RRP7A: variants seen among roughly 807,000 people sequenced by gnomAD.
The protein encoded by RRP7A is ribosomal RNA-processing protein 7 homolog A.
In RRP7A, 27 loss-of-function variants were observed where a neutral mutation model predicts 38.4. The ratio of observed to expected loss-of-function variants is 0.70; its 90% CI spans 0.52 to 0.97. The LOEUF is 0.97. RRP7A is among the 50% of genes least tolerant of loss of function. The probability of loss-of-function intolerance (pLI) is 0.00; values close to 1 mark genes in which losing one functional copy is unlikely to be tolerated. For missense variants in RRP7A, 327 were observed against 375.4 expected (o/e 0.87, Z 1.07); for synonymous variants, 124 against 150.3 (o/e 0.83, Z 1.28).
intron 1 of RRP7A, chr22:42,518,489 A>G (rs555774316): frequency 1.9e-5 from 8 of 420,948 alleles, no homozygotes; most frequent in African/African-American, 1.4e-4. Context: ...CCTGCCTGTC[A>G]CTGTGACCTC....
chr22:42,513,400 G>A (rs1920922797), intron 6 of RRP7A, among the ~76,000 whole-genome samples: 1 of 110,000 alleles, frequency 9.1e-6, no homozygotes, highest in African/African-American at 3.3e-5. Context: ...GTCAGTGGGA[G>A]GCTGATGGCA....
Position 42,517,986 on chromosome 22 carries a change from C to G in RRP7A, c.216+19G>C. The G allele has an allele frequency of 1.9e-6, 3 of 1,609,926 alleles. No individual in the cohort carries two copies. Among genetic ancestry groups the G allele is most frequent in the Non-Finnish European group, 2.5e-6 (3 of 1,177,844 alleles). ...CACCTTGAGCCCACAGGTCTCCTCCCAGACAGACACTAGCTCACCTCTGTG... is the reference window on the plus strand; with the variant it reads ...CACCTTGAGCCCACAGGTCTCCTCCGAGACAGACACTAGCTCACCTCTGTG... On this transcript the variant is annotated intron_variant, in intron 2 of 6. Transcript: ENST00000323013.
At position 42,512,651 on chromosome 22, in the gene RRP7A, A is replaced by C; in HGVS notation, c.*259T>G. 1 of 588,996 alleles carries C rather than the reference A, an allele frequency of 1.7e-6. No individual in the cohort carries two copies. Among genetic ancestry groups the C allele is most frequent in the Non-Finnish European group, 3.0e-6 (1 of 329,332 alleles). 36.5% of individuals were successfully genotyped at this position (588,996 alleles called of 1,614,324 possible). A position where few individuals can be genotyped will look rare whatever the true frequency, so the allele number is the denominator to read the frequency against. On this transcript the variant is annotated 3_prime_UTR_variant, in exon 7 of 7. Transcript: ENST00000323013. ...GGATTCATCCAGGGTCCTGGAGAGG[A>C]GGGTGTGGAGGCAAGAAGCAGGAAG... is the stretch of plus-strand genomic sequence containing the variant.
rs1555985839 is a variant in RRP7A at position 42,509,848 on chromosome 22, G to GTGTGTGTGTGTGTGT, written c.*3061_*3062insACACACACACACACA. On this transcript the variant is annotated 3_prime_UTR_variant, in exon 7 of 7. Coordinates refer to ENST00000323013, the MANE Select transcript of RRP7A (RefSeq NM_015703.5). Reference sequence around the variant, plus strand: ...GGAAGCCTGTTGGGGGTGGGGGGGTGGGGTGTGTGTGTGTGTGTGTAAGCT... The same window carrying GTGTGTGTGTGTGTGT: ...GGAAGCCTGTTGGGGGTGGGGGGGTGTGTGTGTGTGTGTGTGGGTGTGTGTGTGTGTGTGTAAGCT... 11 of 25,738 alleles carry GTGTGTGTGTGTGTGT rather than the reference G, an allele frequency of 4.3e-4. No individual in the cohort carries two copies. The African/African-American group carries it at 6.4e-3, about 15-fold the overall frequency. 1.6% of individuals were successfully genotyped at this position (25,738 alleles called of 1,614,324 possible).
At chr22:42,517,119 A>G (rs1886432081) in intron 2 of RRP7A, among the ~76,000 whole-genome samples, 1 of 151,880 alleles carries the variant, frequency 6.6e-6, no homozygotes, top group Non-Finnish European at 1.5e-5. Flanking sequence ...CTATACTAAC[A>G]ATACAAAAAT....
chr22:42,512,354 C>G lies in RRP7A; in HGVS notation c.*556G>C. 1.2e-6 allele frequency: 1 copy of G among 863,690 alleles called. No homozygotes were observed. The highest frequency in any genetic ancestry group is 1.9e-6 in the Non-Finnish European group (1 of 532,932). The allele number at this position is 863,690 out of a possible 1,614,324, so 53.5% of individuals were successfully genotyped here. A position where few individuals can be genotyped will look rare whatever the true frequency, so the allele number is the denominator to read the frequency against. The stretch of plus-strand genomic sequence containing the variant: ...GGGACAGGCCTCACTAGTCTTGAGG[C>G]CCAGCCTAGGATGGTAGTCAGGGGA... On this transcript the variant is annotated 3_prime_UTR_variant, in exon 7 of 7. Transcript: ENST00000323013.
At position 42,508,411 on chromosome 22, in the gene RRP7A, C is replaced by T. The variant is rs1275432396; in HGVS notation, c.*4499G>A. Reference sequence around the variant, plus strand: ...ATGTAATCAACATAAAGCTTGATTGCATTATTTTGCATGCTGTTTTCCAAA... The same window carrying T: ...ATGTAATCAACATAAAGCTTGATTGTATTATTTTGCATGCTGTTTTCCAAA... On this transcript the variant is annotated 3_prime_UTR_variant, in exon 7 of 7. Coordinates refer to ENST00000323013, the MANE Select transcript of RRP7A (RefSeq NM_015703.5). Among the ~76,000 whole-genome samples the T allele has an allele frequency of 1.4e-5, 2 of 144,448 alleles. No individual in the cohort carries two copies. Among genetic ancestry groups the T allele is most frequent in the East Asian group, 1.9e-4 (1 of 5,172 alleles). 94.8% of individuals were successfully genotyped at this position (144,448 alleles called of 152,430 possible). A position where few individuals can be genotyped will look rare whatever the true frequency, so the allele number is the denominator to read the frequency against.
In RRP7A at chr22:42,519,791, C is replaced by T; in HGVS notation, c.-5G>A. The T allele has an allele frequency of 1.4e-6, 2 of 1,430,070 alleles. No individual in the cohort carries two copies. The highest frequency in any genetic ancestry group is 1.8e-6 in the Non-Finnish European group (2 of 1,094,436). The allele number at this position is 1,430,070 out of a possible 1,614,324, so 88.6% of individuals were successfully genotyped here. A position where few individuals can be genotyped will look rare whatever the true frequency, so the allele number is the denominator to read the frequency against. On this transcript the variant is annotated 5_prime_UTR_variant, in exon 1 of 7. Transcript: ENST00000323013. ...CTTCCTCCTGCGCGCCACCATCTTG[C>T]CACCCGGGAGCGCGGGGGCCGCCGG...
intron 6 of RRP7A, among the ~76,000 whole-genome samples, chr22:42,513,696 G>C (rs1194297888): frequency 2.2e-4 from 31 of 140,482 alleles, no homozygotes; most frequent in African/African-American, 7.1e-4. Flanking sequence ...CCACCTGACA[G>C]ACACACACAC....
chr22:42,513,696 G>GACACAC (rs68114688), intron 6 of RRP7A, among the ~76,000 whole-genome samples: 2 of 140,408 alleles, frequency 1.4e-5, no homozygotes, highest in Non-Finnish European at 3.1e-5. Flanking sequence ...CCACCTGACA[G>GACACAC]ACACACACAC....
rs1932411513 is a variant in RRP7A, at chr22:42,510,198, G to A, written c.*2712C>T. 1 of 152,622 alleles carries A rather than the reference G, an allele frequency of 6.6e-6. No individual in the cohort carries two copies. Among genetic ancestry groups the A allele is most frequent in the Non-Finnish European group, 1.5e-5 (1 of 68,312 alleles). 9.5% of individuals were successfully genotyped at this position (152,622 alleles called of 1,614,324 possible). A position where few individuals can be genotyped will look rare whatever the true frequency, so the allele number is the denominator to read the frequency against. On this transcript the variant is annotated 3_prime_UTR_variant, in exon 7 of 7. Transcript: ENST00000323013. ...CAGGATGGTCTCATCTCCTGACCTC[G>A]TGATCCACCCGCCTCAGCCTCCCAA...
At chr22:42,518,534 T>G in intron 1 of RRP7A, 1 of 437,896 alleles carries the variant, frequency 2.3e-6, no homozygotes, top group Admixed American at 2.5e-5. Flanking sequence ...CCTTGGATTC[T>G]CTGTTCCCCC....
At chr22:42,513,037 C>T (rs1438941803) in intron 6 of RRP7A, 42 bp from the exon 7 acceptor site, 5 of 1,559,846 alleles carry the variant, frequency 3.2e-6, no homozygotes, top group Non-Finnish European at 4.4e-6. Context: ...AGACAGCGCG[C>T]CCCGGGGAAG....
chr22:42,519,578 G>C (rs1366308978), intron 1 of RRP7A, 136 bp downstream of exon 1: 2 of 711,080 alleles, frequency 2.8e-6, no homozygotes, highest in Admixed American at 8.7e-5. Flanking sequence ...AAGACCTGCG[G>C]AGCCTGGGGC....
Position 42,512,769 on chromosome 22 carries a change from G to T in RRP7A, c.*141C>A. On this transcript the variant is annotated 3_prime_UTR_variant, in exon 7 of 7. Coordinates refer to ENST00000323013, the MANE Select transcript of RRP7A (RefSeq NM_015703.5). Reference sequence around the variant, plus strand: ...TGGTCCTTCCCTCCTGGCCTGTGTGGACTCTGATGGGGCTGTTGGACGCGG... The same window carrying T: ...TGGTCCTTCCCTCCTGGCCTGTGTGTACTCTGATGGGGCTGTTGGACGCGG... The T allele has an allele frequency of 2.4e-6, 2 of 839,816 alleles. No homozygotes were observed. Among genetic ancestry groups the T allele is most frequent in the Non-Finnish European group, 3.9e-6 (2 of 509,698 alleles). The allele number at this position is 839,816 out of a possible 1,614,324, so 52.0% of individuals were successfully genotyped here.
At chr22:42,516,828 A>G (rs1317633896) in intron 2 of RRP7A, among the ~76,000 whole-genome samples, 2 of 152,224 alleles carry the variant, frequency 1.3e-5, no homozygotes, top group Non-Finnish European at 2.9e-5. Context: ...TCTGGGATGC[A>G]GCGAGCTGGA....
intron 6 of RRP7A, among the ~76,000 whole-genome samples, chr22:42,513,256 A>G (rs1920922623): frequency 1.4e-5 from 2 of 140,804 alleles, no homozygotes. Context: ...CTAGCGACAA[A>G]GCAAAGGTAC....
chr22:42,512,896 G>T lies in RRP7A; in HGVS notation c.*14C>A. 1 of 1,611,776 alleles carries T rather than the reference G, an allele frequency of 6.2e-7. No individual in the cohort carries two copies. Among genetic ancestry groups the T allele is most frequent in the Non-Finnish European group, 8.5e-7 (1 of 1,178,434 alleles). Reference sequence around the variant, plus strand: ...GGCCCTGCACCTCCAGCCATTCACTGCGGCTCTCACAGCTCAGTACGGTCG... The same window carrying T: ...GGCCCTGCACCTCCAGCCATTCACTTCGGCTCTCACAGCTCAGTACGGTCG... On this transcript the variant is annotated 3_prime_UTR_variant, in exon 7 of 7. Coordinates refer to ENST00000323013, the MANE Select transcript of RRP7A (RefSeq NM_015703.5).
intron 2 of RRP7A, chr22:42,516,515 G>T (rs1327249703): frequency 2.5e-5 from 9 of 364,052 alleles, no homozygotes; most frequent in South Asian, 1.9e-4. Context: ...GTTCTGCCAC[G>T]TTGGCCAGGC....
Sources: gnomAD v4.1 joint callset for allele counts (sites outside exome capture counted in the v4.1 genomes callset) on GRCh38, gnomAD v4.1.1 for gene constraint, MANE v1.5 for transcripts, NCBI Gene and HGNC (gene_info 2026-07-23, HGNC 2026-07-21) for gene names.